MAGI2: variants seen among roughly 807,000 people sequenced by gnomAD.
The protein encoded by MAGI2 is membrane associated guanylate kinase, WW and PDZ domain containing 2, also known as membrane-associated guanylate kinase, WW and PDZ domain-containing protein 2.
In MAGI2, 35 loss-of-function variants were observed where a neutral mutation model predicts 133.3. The ratio of observed to expected loss-of-function variants is 0.26; its 90% CI spans 0.20 to 0.35. The LOEUF is 0.35. MAGI2 is among the 10% of genes least tolerant of loss of function. The pLI, the probability that MAGI2 is intolerant of heterozygous loss-of-function variation, is 1.00. For missense variants in MAGI2, 1,636 were observed against 1,863.4 expected (o/e 0.88, Z 2.25); for synonymous variants, 729 against 710.6 (o/e 1.03, Z -0.41).
At chr7:79,317,630 T>A (rs1321320024) in intron 1 of MAGI2, among the ~76,000 whole-genome samples, 5 of 152,184 alleles carry the variant, frequency 3.3e-5, no homozygotes, top group Non-Finnish European at 7.3e-5. Flanking sequence ...ATACTGAGTC[T>A]TTGAAATCCA....
Position 78,341,489 on chromosome 7 carries a change from C to T in MAGI2, c.1408+2289G>A, listed in dbSNP as rs139640187. ...ACTTTATATGGAACCAAAAAAGAGC[C>T]CACATTGCTAAGACAATCCTAAGCA... is the stretch of plus-strand genomic sequence containing the variant. On this transcript the variant is annotated intron_variant, in intron 9 of 21. Coordinates refer to ENST00000354212, the MANE Select transcript of MAGI2 (RefSeq NM_012301.4). Among the ~76,000 whole-genome samples, 348 of 152,250 alleles carry T rather than the reference C, an allele frequency of 2.3e-3. 1 individual carries two copies. Among genetic ancestry groups the T allele is most frequent in the African/African-American group, 7.6e-3 (317 of 41,530 alleles).
chr7:79,191,382 TTTTC>T (rs1297330073), intron 1 of MAGI2, among the ~76,000 whole-genome samples: 2 of 147,110 alleles, frequency 1.4e-5, no homozygotes, highest in Non-Finnish European at 3.0e-5. Flanking sequence ...TTTCTTCTTT[TTTTC>T]TTTTTCTTTT....
chr7:78,078,674 C>A, intron 21 of MAGI2: 2 of 559,692 alleles, frequency 3.6e-6, no homozygotes, highest in Non-Finnish European at 3.1e-6. Flanking sequence ...CGCACACTCA[C>A]AGATGCCCTG....
At chr7:78,070,703 A>G (rs10271229) in intron 21 of MAGI2, among the ~76,000 whole-genome samples, 108,913 of 148,712 alleles carry the variant, frequency 0.73, 40,113 homozygotes, top group East Asian at 0.88. Context: ...GTGCAATGGC[A>G]TGATCTTGGC....
intron 1 of MAGI2, among the ~76,000 whole-genome samples, chr7:79,371,459 A>G (rs1489528649): frequency 6.6e-6 from 1 of 152,102 alleles, no homozygotes; most frequent in African/African-American, 2.4e-5. Context: ...TAGTGGTCTT[A>G]TAAGATTAAA....
intron 7 of MAGI2, among the ~76,000 whole-genome samples, chr7:78,365,564 C>G (rs1293120956): frequency 6.6e-6 from 1 of 152,080 alleles, no homozygotes; most frequent in Non-Finnish European, 1.5e-5. Context: ...CTCATTATCA[C>G]TATAGAGAGA....
At chr7:78,205,441 A>G (rs1041318835) in intron 10 of MAGI2, among the ~76,000 whole-genome samples, 1 of 152,186 alleles carries the variant, frequency 6.6e-6, no homozygotes, top group East Asian at 1.9e-4. Context: ...CCAAAATACA[A>G]CTTTTAATGA....
intron 1 of MAGI2, among the ~76,000 whole-genome samples, chr7:79,396,357 C>T (rs1585830539): frequency 6.6e-6 from 1 of 152,030 alleles, no homozygotes; most frequent in Non-Finnish European, 1.5e-5. Context: ...GGGATCAGTC[C>T]CAGAATCAGC....
chr7:79,255,246 G>C (rs1307899048), intron 1 of MAGI2, among the ~76,000 whole-genome samples: 1 of 152,128 alleles, frequency 6.6e-6, no homozygotes, highest in East Asian at 1.9e-4. Context: ...TTACTCATTA[G>C]AATCCTAAGT....
chr7:78,480,399 G>A (rs1332193226), intron 6 of MAGI2, among the ~76,000 whole-genome samples: 15 of 151,750 alleles, frequency 9.9e-5, no homozygotes, highest in Non-Finnish European at 1.5e-5. Context: ...TTACAGACCA[G>A]TATTTCTCAA....
intron 1 of MAGI2, among the ~76,000 whole-genome samples, chr7:79,022,112 A>C (rs949276874): frequency 6.6e-6 from 1 of 152,208 alleles, no homozygotes; most frequent in African/African-American, 2.4e-5. Flanking sequence ...TGAGTCAATT[A>C]AACCTCTTTC....
chr7:78,292,178 A>G (rs893277218), intron 9 of MAGI2, among the ~76,000 whole-genome samples: 4 of 152,224 alleles, frequency 2.6e-5, no homozygotes, highest in African/African-American at 9.6e-5. Context: ...GTATACTTAG[A>G]AAACCCCATT....
At chr7:78,299,955 CT>C (rs1465034525) in intron 9 of MAGI2, among the ~76,000 whole-genome samples, 1 of 152,072 alleles carries the variant, frequency 6.6e-6, no homozygotes, top group African/African-American at 2.4e-5. Flanking sequence ...TAAAATTTTT[CT>C]TTTTCATCAT....
intron 9 of MAGI2, among the ~76,000 whole-genome samples, chr7:78,325,199 T>C (rs1258553629): frequency 1.3e-5 from 2 of 152,158 alleles, no homozygotes; most frequent in Non-Finnish European, 2.9e-5. Context: ...CCTAAGAGTA[T>C]AGGCTAAATG....
At chr7:78,923,023 T>C (rs1490968288) in intron 2 of MAGI2, among the ~76,000 whole-genome samples, 7 of 152,134 alleles carry the variant, frequency 4.6e-5, no homozygotes, top group African/African-American at 1.7e-4. Context: ...ATCCTTTGCC[T>C]ACTTTTTAAT....
In MAGI2 at chr7:78,166,384, G is replaced by A. The variant is rs1825626230; in HGVS notation, c.2596+1532C>T. Among the ~76,000 whole-genome samples, 4 of 152,180 alleles carry A rather than the reference G, an allele frequency of 2.6e-5. No individual in the cohort carries two copies. In the South Asian group the frequency reaches 8.3e-4, roughly 31 times the overall value. The stretch of plus-strand genomic sequence containing the variant: ...TTAAAAATTACTCTGCGGGGAGAGA[G>A]ACAGTTAAATGTTAACCAAGCAAGC... On this transcript the variant is annotated intron_variant, in intron 15 of 21. Coordinates refer to ENST00000354212, the MANE Select transcript of MAGI2 (RefSeq NM_012301.4).
At position 78,019,519 on chromosome 7, in the gene MAGI2, C is replaced by T; in HGVS notation, c.4164G>A (p.Ala1388=). 7 of 980,472 alleles carry T rather than the reference C, an allele frequency of 7.1e-6. No homozygotes were observed. Among genetic ancestry groups the T allele is most frequent in the Non-Finnish European group, 8.5e-6 (7 of 828,298 alleles). 60.7% of individuals were successfully genotyped at this position (980,472 alleles called of 1,614,324 possible). ...CRREGPGAAP[A]FAGPGGGGSG... ...TGCCGCCGCCGCCCGGGCCGGCAAA[C>T]GCCGGCGCAGCCCCCGGGCCTTCGC... Residue 1388 remains alanine, a synonymous_variant, in exon 22 of 22, where the codon GCG becomes GCA. Coordinates refer to ENST00000354212, the MANE Select transcript of MAGI2 (RefSeq NM_012301.4).
intron 1 of MAGI2, among the ~76,000 whole-genome samples, chr7:79,205,742 G>T (rs6966764): frequency 0.18 from 27,387 of 151,262 alleles, 6,282 homozygotes; most frequent in African/African-American, 0.53. Flanking sequence ...AAGAGTGGAG[G>T]AAAAATGTAG....
At chr7:79,146,644 C>T (rs1347774529) in intron 1 of MAGI2, among the ~76,000 whole-genome samples, 2 of 152,146 alleles carry the variant, frequency 1.3e-5, no homozygotes, top group Non-Finnish European at 2.9e-5. Context: ...ATGGGAGTTC[C>T]CCTGCACAAG....
Sources: gnomAD v4.1 joint callset for allele counts (sites outside exome capture counted in the v4.1 genomes callset) on GRCh38, gnomAD v4.1.1 for gene constraint, MANE v1.5 for transcripts, NCBI Gene and HGNC (gene_info 2026-07-23, HGNC 2026-07-21) for gene names.